INPP4B: variants seen among roughly 807,000 people sequenced by gnomAD.
INPP4B encodes inositol polyphosphate-4-phosphatase type II B.
In INPP4B, 55 loss-of-function variants were observed where a neutral mutation model predicts 122.5. That is an observed-to-expected ratio of 0.45 (90% CI 0.36 to 0.56). The LOEUF (loss-of-function observed/expected upper bound fraction) is 0.56, where lower values mean the gene tolerates loss of function less well. Among genes scored for constraint, INPP4B ranks in the 20% least tolerant of loss-of-function variants. The pLI is 0.00. For synonymous variants in INPP4B, 403 were observed against 388.7 expected (o/e 1.04, Z -0.43); for missense variants, 1,000 against 1,097.7 (o/e 0.91, Z 1.26).
Position 142,226,260 on chromosome 4 carries a change from A to T in INPP4B, c.836+11604T>A, listed in dbSNP as rs533507986. Among the ~76,000 whole-genome samples, 5 of 152,200 alleles carry T rather than the reference A, an allele frequency of 3.3e-5. 1 individual carries two copies. In the South Asian group the frequency reaches 1.0e-3, roughly 32 times the overall value. ...CATATAAGTACACACACACACACAG[A>T]CCTTAAATACACATAGGATCTCTAT... On this transcript the variant is annotated intron_variant, in intron 12 of 25. Coordinates refer to ENST00000262992, the MANE Select transcript of INPP4B (RefSeq NM_001101669.3).
At chr4:142,563,401 G>C (rs1016502489) in intron 2 of INPP4B, among the ~76,000 whole-genome samples, 5 of 152,144 alleles carry the variant, frequency 3.3e-5, no homozygotes, top group African/African-American at 1.2e-4. Flanking sequence ...AATTGAAAAG[G>C]AATAAGGTGA....
intron 7 of INPP4B, among the ~76,000 whole-genome samples, chr4:142,368,502 T>C (rs769828911): frequency 2.0e-5 from 3 of 152,122 alleles, no homozygotes; most frequent in African/African-American, 4.8e-5. Flanking sequence ...AAAACAAAAG[T>C]TGTGCATATC....
rs572583260 is a variant in INPP4B at position 142,503,068 on chromosome 4, C to T, written c.-190-40342G>A. On this transcript the variant is annotated intron_variant, in intron 2 of 25. Coordinates refer to ENST00000262992, the MANE Select transcript of INPP4B (RefSeq NM_001101669.3). ...GCAACAATAGAATTGTTTTACCAGC[C>T]GAGATATCCATTACTCACTAGAGTG... 4.6e-5 allele frequency among the ~76,000 whole-genome samples: 7 copies of T among 151,904 alleles called. 1 individual carries two copies. The highest frequency in any genetic ancestry group is 1.9e-4 in the East Asian group (1 of 5,188).
intron 15 of INPP4B, among the ~76,000 whole-genome samples, chr4:142,185,106 C>A (rs561301176): frequency 1.3e-5 from 2 of 152,144 alleles, no homozygotes; most frequent in South Asian, 2.1e-4. Flanking sequence ...ATTATCTTAA[C>A]CCATGTTTCA....
intron 15 of INPP4B, among the ~76,000 whole-genome samples, chr4:142,192,451 C>T (rs1319352306): frequency 1.3e-5 from 2 of 150,936 alleles, no homozygotes; most frequent in African/African-American, 4.9e-5. Flanking sequence ...TGGTCATAGC[C>T]AGAGAATATT....
rs1737330897 is a variant in INPP4B at position 142,027,370 on chromosome 4, G to A, written c.*1412C>T. ...AATATCATCCATTGATCATAGCTAA[G>A]AGAGGGCTTAAGAAGCCTCTGTTAT... is the stretch of plus-strand genomic sequence containing the variant. On this transcript the variant is annotated 3_prime_UTR_variant, in exon 26 of 26. Transcript: ENST00000262992. 1 of 152,178 alleles carries A rather than the reference G, an allele frequency of 6.6e-6. No individual in the cohort carries two copies. Among genetic ancestry groups the A allele is most frequent in the Non-Finnish European group, 1.5e-5 (1 of 68,024 alleles). The allele number at this position is 152,178 out of a possible 1,614,324, so 9.4% of individuals were successfully genotyped here.
chr4:142,491,518 A>T (rs1319668850), intron 2 of INPP4B, among the ~76,000 whole-genome samples: 5 of 152,104 alleles, frequency 3.3e-5, no homozygotes, highest in Middle Eastern at 3.2e-3. Flanking sequence ...TTAGCCAGAC[A>T]TGGTGGCACA....
chr4:142,791,763 C>G (rs576071857), intron 1 of INPP4B, among the ~76,000 whole-genome samples: 1 of 152,070 alleles, frequency 6.6e-6, no homozygotes, highest in African/African-American at 2.4e-5. Flanking sequence ...AGAGCCACCA[C>G]CCTCCTGTAA....
rs1157666186 is a variant in INPP4B at position 142,720,755 on chromosome 4, T to TAA, written c.-191+5083_-191+5084insTT. 4.0e-4 allele frequency among the ~76,000 whole-genome samples: 34 copies of TAA among 84,550 alleles called. No homozygotes were observed. The East Asian group carries it at 5.9e-3, about 15-fold the overall frequency. 55.5% of individuals were successfully genotyped at this position (84,550 alleles called of 152,430 possible). A position where few individuals can be genotyped will look rare whatever the true frequency, so the allele number is the denominator to read the frequency against. On this transcript the variant is annotated intron_variant, in intron 2 of 25. Coordinates refer to ENST00000262992, the MANE Select transcript of INPP4B (RefSeq NM_001101669.3). ...ACATATATATATATATATACATATATATATAATCTCTCTCTCTCTCTCTCT... is the reference window on the plus strand; with the variant it reads ...ACATATATATATATATATACATATATAAATATAATCTCTCTCTCTCTCTCTCT...
At chr4:142,102,446 G>T (rs574486608) in intron 23 of INPP4B, among the ~76,000 whole-genome samples, 7 of 149,410 alleles carry the variant, frequency 4.7e-5, no homozygotes, top group Middle Eastern at 3.4e-3. Context: ...TGGCAAGGTG[G>T]ATGTGAACAA....
chr4:142,552,613 C>T (rs1728244192), intron 2 of INPP4B, among the ~76,000 whole-genome samples: 1 of 152,010 alleles, frequency 6.6e-6, no homozygotes, highest in Non-Finnish European at 1.5e-5. Context: ...TACCAAGGAT[C>T]AGAGAGAATT....
chr4:142,627,184 C>G (rs1185005518), intron 2 of INPP4B, among the ~76,000 whole-genome samples: 5 of 152,264 alleles, frequency 3.3e-5, no homozygotes, highest in Admixed American at 3.3e-4. Flanking sequence ...GATATACAAT[C>G]ATGTCGTCTA....
intron 25 of INPP4B, among the ~76,000 whole-genome samples, chr4:142,066,350 A>T (rs1252323746): frequency 6.6e-6 from 1 of 152,196 alleles, no homozygotes; most frequent in Non-Finnish European, 1.5e-5. Context: ...CTCAAAAAAG[A>T]TGTTAAAAAT....
intron 18 of INPP4B, among the ~76,000 whole-genome samples, chr4:142,143,178 G>A (rs1808750537): frequency 5.3e-5 from 8 of 152,004 alleles, no homozygotes. Flanking sequence ...ATCCCAGGAG[G>A]AAGACAAAAG....
intron 1 of INPP4B, among the ~76,000 whole-genome samples, chr4:142,818,917 C>T (rs1337864133): frequency 1.3e-5 from 2 of 152,102 alleles, no homozygotes; most frequent in East Asian, 3.9e-4. Flanking sequence ...GTTTTTGGTC[C>T]ACTAGCATGT....
chr4:142,554,636 G>A (rs987624279), intron 2 of INPP4B, among the ~76,000 whole-genome samples: 4 of 152,140 alleles, frequency 2.6e-5, no homozygotes, highest in Non-Finnish European at 4.4e-5. Flanking sequence ...TACCCACTCT[G>A]AACCTTAAAC....
intron 7 of INPP4B, among the ~76,000 whole-genome samples, chr4:142,320,885 G>C (rs758639055): frequency 6.6e-6 from 1 of 152,090 alleles, no homozygotes; most frequent in African/African-American, 2.4e-5. Flanking sequence ...TGGGCATTTG[G>C]GCTGGTTCTA....
chr4:142,543,011 TATTATTAGTGAAAACACCCTCTG>T (rs1275736574), intron 2 of INPP4B, among the ~76,000 whole-genome samples: 1 of 152,164 alleles, frequency 6.6e-6, no homozygotes, highest in African/African-American at 2.4e-5. Context: ...TCTTTCTTAT[TATTATTAGTGAAAACACCCTCTG>T]GAAATATCAT....
chr4:142,411,952 C>T (rs1804685432), intron 5 of INPP4B, among the ~76,000 whole-genome samples: 1 of 152,092 alleles, frequency 6.6e-6, no homozygotes, highest in African/African-American at 2.4e-5. Flanking sequence ...CCACCTCCCT[C>T]AATAGCACCA....
Sources: gnomAD v4.1 joint callset for allele counts (sites outside exome capture counted in the v4.1 genomes callset) on GRCh38, gnomAD v4.1.1 for gene constraint, MANE v1.5 for transcripts, NCBI Gene and HGNC (gene_info 2026-07-23, HGNC 2026-07-21) for gene names.